Variants in CDCA7L observed in about 807,000 individuals in gnomAD.
CDCA7L encodes the protein cell division cycle-associated 7-like protein.
CDCA7L carries 44 observed loss-of-function variants against 57.4 expected under a neutral mutation model. The ratio of observed to expected loss-of-function variants is 0.77; its 90% CI spans 0.60 to 0.98. CDCA7L has a LOEUF of 0.98. Among genes scored for constraint, CDCA7L ranks in the 50% least tolerant of loss-of-function variants. CDCA7L has a pLI of 0.00. For synonymous variants in CDCA7L, 236 were observed against 202.8 expected (o/e 1.16, Z -1.39); for missense variants, 644 against 580.6 (o/e 1.11, Z -1.12).
At chr7:21,917,496 C>T (rs530431438) in intron 1 of CDCA7L, among the ~76,000 whole-genome samples, 28 of 152,318 alleles carry the variant, frequency 1.8e-4, no homozygotes, top group African/African-American at 6.3e-4. Flanking sequence ...ACTTAATCCA[C>T]AAATATGTAT....
At chr7:21,904,469 G>A (rs1268601591) in intron 7 of CDCA7L, among the ~76,000 whole-genome samples, 3 of 151,870 alleles carry the variant, frequency 2.0e-5, no homozygotes, top group Admixed American at 1.3e-4. Flanking sequence ...GTTTGGAACC[G>A]GGCTGCACAG....
chr7:21,904,238 G>T lies in CDCA7L; in HGVS notation c.1069C>A (p.Arg357=), dbSNP rs745692053. The T allele has an allele frequency of 1.6e-5, 26 of 1,609,830 alleles. No homozygotes were observed. The highest frequency in any genetic ancestry group is 2.0e-5 in the Non-Finnish European group (24 of 1,177,968). ...KVLGNTCHQC[R]QKTIDTKTVC... ...GTCTTGGTGTCGATGGTCTTTTGTC[G>T]ACACTGATGGCACGTGTTACCCTAC... Residue 357 remains arginine, a synonymous_variant, in exon 8 of 10, where the codon CGA becomes AGA. Coordinates refer to ENST00000406877, the MANE Select transcript of CDCA7L (RefSeq NM_018719.5).
chr7:21,921,342 C>CA (rs5882833), intron 1 of CDCA7L, among the ~76,000 whole-genome samples: 39,399 of 121,842 alleles, frequency 0.32, 6,901 homozygotes, highest in East Asian at 0.6. Context: ...CAAGATTTGC[C>CA]AAAAAAAAAA....
Position 21,900,929 on chromosome 7 carries a change from T to G in CDCA7L, c.*1393A>C. 1 of 1,395,480 alleles carries G rather than the reference T, an allele frequency of 7.2e-7. No homozygotes were observed. 86.4% of individuals were successfully genotyped at this position (1,395,480 alleles called of 1,614,324 possible). A position where few individuals can be genotyped will look rare whatever the true frequency, so the allele number is the denominator to read the frequency against. ...CAAAACCAGAATGTTGAATGTTTATTGCATCAAACAACTTACTTGATCATT... is the reference window on the plus strand; with the variant it reads ...CAAAACCAGAATGTTGAATGTTTATGGCATCAAACAACTTACTTGATCATT... On this transcript the variant is annotated 3_prime_UTR_variant, in exon 10 of 10. Transcript: ENST00000406877.
At chr7:21,903,536 A>T (rs1202999711) in intron 8 of CDCA7L, among the ~76,000 whole-genome samples, 2 of 145,904 alleles carry the variant, frequency 1.4e-5, no homozygotes, top group Non-Finnish European at 3.0e-5. Context: ...TCAGTTGAGG[A>T]CCATATATTT....
chr7:21,904,820 A>G (rs1484330929), intron 7 of CDCA7L, among the ~76,000 whole-genome samples: 1 of 152,194 alleles, frequency 6.6e-6, no homozygotes, highest in African/African-American at 2.4e-5. Context: ...GAGGCTGAGC[A>G]GAGACCCAGA....
intron 3 of CDCA7L, among the ~76,000 whole-genome samples, chr7:21,911,146 C>T (rs1306109215): frequency 6.6e-6 from 1 of 150,548 alleles, no homozygotes; most frequent in African/African-American, 2.4e-5. Context: ...CCTCCTGCCT[C>T]CGCCTCCCGA....
intron 1 of CDCA7L, among the ~76,000 whole-genome samples, chr7:21,919,073 C>T (rs1010850476): frequency 2.0e-5 from 3 of 152,116 alleles, no homozygotes; most frequent in African/African-American, 7.2e-5. Context: ...TCACCTCAGC[C>T]TCCCAAAGTG....
At chr7:21,938,523 T>C (rs1242202591) in intron 1 of CDCA7L, among the ~76,000 whole-genome samples, 1 of 152,188 alleles carries the variant, frequency 6.6e-6, no homozygotes, top group Admixed American at 6.5e-5. Flanking sequence ...AGTATTATCA[T>C]ATAACCCAGC....
At chr7:21,920,009 T>C (rs1272073344) in intron 1 of CDCA7L, among the ~76,000 whole-genome samples, 4 of 152,236 alleles carry the variant, frequency 2.6e-5, no homozygotes, top group African/African-American at 7.2e-5. Flanking sequence ...TAATTTTTAC[T>C]GTTTCATCAG....
intron 1 of CDCA7L, among the ~76,000 whole-genome samples, chr7:21,926,472 T>C (rs941404676): frequency 3.3e-5 from 5 of 152,076 alleles, no homozygotes; most frequent in Non-Finnish European, 7.4e-5. Flanking sequence ...AATCAAAAAA[T>C]AGGTGAAGAA....
rs71557529 is a variant in CDCA7L, at chr7:21,916,514, T to TAAA, written c.165+237_165+239dup. 3.6e-3 allele frequency among the ~76,000 whole-genome samples: 375 copies of TAAA among 105,098 alleles called. 2 individuals carry two copies. The highest frequency in any genetic ancestry group is 0.016 in the Middle Eastern group (3 of 192). 68.9% of individuals were successfully genotyped at this position (105,098 alleles called of 152,430 possible). ...CTTGATCATGTGAGGTCCCTTTATT[T>TAAA]AAAAAAAAAAAAAAAAAAAAAAAAG... is the stretch of plus-strand genomic sequence containing the variant. On this transcript the variant is annotated intron_variant, in intron 2 of 9. Transcript: ENST00000406877.
chr7:21,902,524 G>C, intron 9 of CDCA7L, 172 bp from the exon 10 acceptor site: 2 of 635,490 alleles, frequency 3.1e-6, no homozygotes, highest in African/African-American at 3.6e-5. Context: ...GGTGTAGTAC[G>C]CCCCAAGCAT....
intron 1 of CDCA7L, 109 bp from the exon 2 acceptor site, chr7:21,917,003 G>C: frequency 7.5e-7 from 1 of 1,332,078 alleles, no homozygotes; most frequent in Non-Finnish European, 1.1e-6. Flanking sequence ...AACTGCCACG[G>C]TTGCCCAGAA....
chr7:21,909,858 T>C (rs928475823), intron 3 of CDCA7L, among the ~76,000 whole-genome samples: 14 of 152,086 alleles, frequency 9.2e-5, no homozygotes, highest in African/African-American at 3.4e-4. Flanking sequence ...AGCACAAGTG[T>C]AGTACATGGA....
At position 21,904,124 on chromosome 7, in the gene CDCA7L, C is replaced by T; in HGVS notation, c.1183G>A (p.Ala395Thr). Residue 395 changes from alanine to threonine, a missense_variant, in exon 8 of 10, where the codon GCA becomes ACA. Coordinates refer to ENST00000406877, the MANE Select transcript of CDCA7L (RefSeq NM_018719.5). Reference sequence around the variant, plus strand: ...ACTGTTCCTACCGGGTCCAGCAATGCCGATCTGACATCCTCCCCATAGCGG... The same window carrying T: ...ACTGTTCCTACCGGGTCCAGCAATGTCGATCTGACATCCTCCCCATAGCGG... ...RNRYGEDVRS[A>T]LLDPDWVCPP... 1 of 1,603,296 alleles carries T rather than the reference C, an allele frequency of 6.2e-7. No individual in the cohort carries two copies. The highest frequency in any genetic ancestry group is 2.2e-5 in the East Asian group (1 of 44,534).
intron 9 of CDCA7L, 38 bp downstream of exon 9, chr7:21,902,940 T>C (rs1784981486): frequency 6.3e-7 from 1 of 1,599,720 alleles, no homozygotes; most frequent in African/African-American, 1.3e-5. Flanking sequence ...AGCCTCAAGA[T>C]TTCAAGCTGT....
Position 21,936,717 on chromosome 7 carries a change from G to A in CDCA7L, c.24+9064C>T, listed in dbSNP as rs375219022. ...CGCAACTAACAAGATACTCAATGAT[G>A]AATGGAAGATTGAAAGCTTTTCCCC... On this transcript the variant is annotated intron_variant, in intron 1 of 9. Transcript: ENST00000406877. Among the ~76,000 whole-genome samples, 16 of 152,170 alleles carry A rather than the reference G, an allele frequency of 1.1e-4. No individual in the cohort carries two copies. In the East Asian group the frequency reaches 1.4e-3, roughly 13 times the overall value.
chr7:21,936,676 C>T (rs1341388583), intron 1 of CDCA7L, among the ~76,000 whole-genome samples: 1 of 151,868 alleles, frequency 6.6e-6, no homozygotes, highest in African/African-American at 2.4e-5. Flanking sequence ...CAACATAAGG[C>T]TATATACGAA....
Sources: gnomAD v4.1 joint callset for allele counts (sites outside exome capture counted in the v4.1 genomes callset) on GRCh38, gnomAD v4.1.1 for gene constraint, MANE v1.5 for transcripts, NCBI Gene and HGNC (gene_info 2026-07-23, HGNC 2026-07-21) for gene names.